HCFC2: variants seen among roughly 807,000 people sequenced by gnomAD.
The protein encoded by HCFC2 is host cell factor 2.
HCFC2 carries 18 observed loss-of-function variants against 89.2 expected under a neutral mutation model. The observed-to-expected ratio is 0.20, with a 90% CI of 0.14 to 0.30. The LOEUF (loss-of-function observed/expected upper bound fraction) is 0.30. Ranked by LOEUF, HCFC2 falls within the 10% of genes least tolerant of loss-of-function variation. The pLI, the probability that HCFC2 is intolerant of heterozygous loss-of-function variation, is 1.00. For synonymous variants in HCFC2, 308 were observed against 335.7 expected, an observed-to-expected ratio of 0.92 and a Z score of 0.90; for missense variants, 578 against 956.1, an observed-to-expected ratio of 0.60 and a Z score of 5.21.
At position 104,093,483 on chromosome 12, in the gene HCFC2, A is replaced by G; in HGVS notation, c.1382A>G (p.Asn461Ser). 7 of 1,613,346 alleles carry G rather than the reference A, an allele frequency of 4.3e-6. No homozygotes were observed. Among genetic ancestry groups the G allele is most frequent in the Non-Finnish European group, 5.9e-6 (7 of 1,179,490 alleles). Residue 461 changes from asparagine to serine, a missense_variant, in exon 10 of 15, where the codon AAT becomes AGT. Physicochemically the swap from Asn to Ser is conservative, Grantham distance 46. Around this residue, in one of 4 missense-constraint regions of HCFC2, gnomAD observed 210 missense variants for 251.7 expected, o/e 0.83. Coordinates refer to ENST00000229330, the MANE Select transcript of HCFC2 (RefSeq NM_013320.3). ...KPDFKALTDS[N>S]AILYPSLASN... ...GACTTTAAAGCACTGACGGATTCTA[A>G]TGCCATTTTATATCCATCTTTGGCA...
chr12:104,078,052 G>A (rs1883562904), intron 3 of HCFC2, among the ~76,000 whole-genome samples: 1 of 152,144 alleles, frequency 6.6e-6, no homozygotes, highest in Admixed American at 6.5e-5. Context: ...AGGCTGGAGT[G>A]CAGTGGCACG....
At position 104,079,579 on chromosome 12, in the gene HCFC2, C is replaced by G; in HGVS notation, c.608C>G (p.Ser203Cys). Reference protein sequence around the residue: ...HTAVIYCKKDSGSPKMYVFGG... With the variant: ...HTAVIYCKKDCGSPKMYVFGG... ...GCTGTTATATATTGCAAAAAAGATT[C>G]TGGAAGTCCTAAAATGTATGTTTTT... is the stretch of plus-strand genomic sequence containing the variant. The change falls in exon 4 of 15, where the codon TCT becomes TGT. Residue 203 changes from serine (S) to cysteine (C), a missense_variant. Coordinates refer to ENST00000229330, the MANE Select transcript of HCFC2 (RefSeq NM_013320.3). 1 of 1,614,094 alleles carries G rather than the reference C, an allele frequency of 6.2e-7. No individual in the cohort carries two copies. The highest frequency in any genetic ancestry group is 8.5e-7 in the Non-Finnish European group (1 of 1,179,986).
chr12:104,096,440 A>C lies in HCFC2; in HGVS notation c.1740+7A>C. 6.3e-7 allele frequency: 1 copy of C among 1,598,666 alleles called. No homozygotes were observed. The highest frequency in any genetic ancestry group is 1.3e-5 in the African/African-American group (1 of 74,844). Reference sequence around the variant, plus strand: ...TACAGCAACGCCGTTTTCTGTAAGTACATGACCTGGTGATGATGCATGTTT... The same window carrying C: ...TACAGCAACGCCGTTTTCTGTAAGTCCATGACCTGGTGATGATGCATGTTT... On this transcript the variant is annotated splice_region_variant and intron_variant, in intron 12 of 14. Transcript: ENST00000229330.
At chr12:104,080,598 G>T in intron 4 of HCFC2, 148 bp from the exon 5 acceptor site, 1 of 475,880 alleles carries the variant, frequency 2.1e-6, no homozygotes, top group Non-Finnish European at 3.7e-6. Flanking sequence ...TATGTAAGCT[G>T]GAAATGTTTA....
chr12:104,067,948 C>T lies in HCFC2; in HGVS notation c.314C>T (p.Ala105Val). The part of the protein sequence containing the change: ...RYSNELYELQ[A>V]SRWLWKKVKP... ...TATTTGTGCCCTTTTTTTTTTTAGGCAAGTCGTTGGTTATGGAAAAAAGTG... is the reference window on the plus strand; with the variant it reads ...TATTTGTGCCCTTTTTTTTTTTAGGTAAGTCGTTGGTTATGGAAAAAAGTG... The change falls in exon 3 of 15, where the codon GCA (alanine) becomes GTA (valine). Residue 105 changes from alanine (A) to valine (V), a missense_variant and splice_region_variant. Transcript: ENST00000229330. 1 of 1,560,342 alleles carries T rather than the reference C, an allele frequency of 6.4e-7. No individual in the cohort carries two copies. The highest frequency in any genetic ancestry group is 8.6e-7 in the Non-Finnish European group (1 of 1,161,464).
chr12:104,083,524 A>G (rs1450810508), intron 7 of HCFC2, among the ~76,000 whole-genome samples: 16 of 152,210 alleles, frequency 1.1e-4, no homozygotes. Context: ...ACAAAAAAAG[A>G]CATTAATTGA....
chr12:104,073,171 T>C (rs911176999), intron 3 of HCFC2, among the ~76,000 whole-genome samples: 4 of 136,794 alleles, frequency 2.9e-5, no homozygotes, highest in Non-Finnish European at 6.7e-5. Flanking sequence ...GTTTGCCTTT[T>C]TTTTTTTTTT....
At chr12:104,077,143 C>G (rs1461773408) in intron 3 of HCFC2, among the ~76,000 whole-genome samples, 7 of 151,932 alleles carry the variant, frequency 4.6e-5, no homozygotes. Context: ...ACCTTTTTTT[C>G]TCCAACGTGT....
rs2030059602 is a variant in HCFC2, at chr12:104,105,418, A to G, written c.*2145A>G. On this transcript the variant is annotated 3_prime_UTR_variant, in exon 15 of 15. Coordinates refer to ENST00000229330, the MANE Select transcript of HCFC2 (RefSeq NM_013320.3). Reference sequence around the variant, plus strand: ...GTGTGCACATTTATACCTGTTTAGTATTTGATTCAGTTAAGCCTCCACTCT... The same window carrying G: ...GTGTGCACATTTATACCTGTTTAGTGTTTGATTCAGTTAAGCCTCCACTCT... The G allele has an allele frequency of 6.6e-6, 1 of 152,016 alleles. No homozygotes were observed. The highest frequency in any genetic ancestry group is 6.6e-5 in the Admixed American group (1 of 15,258). 9.4% of individuals were successfully genotyped at this position (152,016 alleles called of 1,614,324 possible). A position where few individuals can be genotyped will look rare whatever the true frequency, so the allele number is the denominator to read the frequency against.
intron 3 of HCFC2, among the ~76,000 whole-genome samples, chr12:104,071,867 T>G (rs1350677693): frequency 6.6e-6 from 1 of 152,228 alleles, no homozygotes; most frequent in African/African-American, 2.4e-5. Context: ...GGGAGTAAAG[T>G]AGTATCTCAT....
At chr12:104,096,103 G>C (rs1884168471) in intron 11 of HCFC2, among the ~76,000 whole-genome samples, 1 of 151,946 alleles carries the variant, frequency 6.6e-6, no homozygotes, top group Admixed American at 6.6e-5. Context: ...TGAAGTTTTA[G>C]CTAGTCATCA....
chr12:104,074,611 G>T (rs1055469235), intron 3 of HCFC2, among the ~76,000 whole-genome samples: 1 of 151,996 alleles, frequency 6.6e-6, no homozygotes, highest in African/African-American at 2.4e-5. Flanking sequence ...ATTAATTGAG[G>T]TTCTGAAATA....
intron 3 of HCFC2, among the ~76,000 whole-genome samples, chr12:104,078,103 A>G (rs1431010082): frequency 6.6e-5 from 10 of 152,090 alleles, no homozygotes; most frequent in African/African-American, 2.4e-4. Context: ...GGTTCATGCC[A>G]TTCTCCTGCC....
At chr12:104,071,949 A>T (rs1883336090) in intron 3 of HCFC2, among the ~76,000 whole-genome samples, 1 of 152,168 alleles carries the variant, frequency 6.6e-6, no homozygotes, top group Non-Finnish European at 1.5e-5. Context: ...TTAGCCATTC[A>T]TATATCTTTG....
rs1393623136 is a variant in HCFC2 at position 104,105,150 on chromosome 12, A to G, written c.*1877A>G. 6.6e-6 allele frequency: 1 copy of G among 152,074 alleles called. No homozygotes were observed. Among genetic ancestry groups the G allele is most frequent in the South Asian group, 2.1e-4 (1 of 4,832 alleles). The allele number at this position is 152,074 out of a possible 1,614,324, so 9.4% of individuals were successfully genotyped here. On this transcript the variant is annotated 3_prime_UTR_variant, in exon 15 of 15. Coordinates refer to ENST00000229330, the MANE Select transcript of HCFC2 (RefSeq NM_013320.3). ...AAATACATGGTAAGCAATTTTGCAC[A>G]TATTAAATATTAGGGTTTGTTGTGT...
chr12:104,089,388 T>C (rs1244423949), intron 9 of HCFC2, among the ~76,000 whole-genome samples: 4 of 151,726 alleles, frequency 2.6e-5, no homozygotes, highest in Non-Finnish European at 5.9e-5. Flanking sequence ...TGGTGGCGGG[T>C]GCCTGTAGTC....
intron 9 of HCFC2, among the ~76,000 whole-genome samples, chr12:104,088,248 G>C (rs1883923802): frequency 6.6e-6 from 1 of 152,168 alleles, no homozygotes; most frequent in South Asian, 2.1e-4. Flanking sequence ...AAATGCCCAG[G>C]TAGCTCTGTT....
chr12:104,081,857 A>T (rs1883695830), intron 5 of HCFC2, among the ~76,000 whole-genome samples: 1 of 149,356 alleles, frequency 6.7e-6, no homozygotes, highest in Non-Finnish European at 1.5e-5. Flanking sequence ...GTGGACCGTT[A>T]TCATGCCACT....
At chr12:104,081,276 G>C (rs1251706993) in intron 5 of HCFC2, among the ~76,000 whole-genome samples, 2 of 152,190 alleles carry the variant, frequency 1.3e-5, no homozygotes, top group African/African-American at 4.8e-5. Flanking sequence ...TGTCCTGTTT[G>C]ACCTGGGGCA....
Sources: gnomAD v4.1 joint callset for allele counts (sites outside exome capture counted in the v4.1 genomes callset) on GRCh38, gnomAD v4.1.1 for gene constraint, gnomAD v4.1.1 regional missense constraint, MANE v1.5 for transcripts, NCBI Gene and HGNC (gene_info 2026-07-23, HGNC 2026-07-21) for gene names.